The following TBXAS1 variants were observed in gnomAD, a reference collection of about 807,000 sequenced individuals.
TBXAS1 encodes thromboxane A synthase 1, also known as thromboxane-A synthase.
A neutral mutation model predicts 60.7 loss-of-function variants in TBXAS1; 48 were observed. That is an observed-to-expected ratio of 0.79 (90% CI 0.63 to 1.01). The LOEUF is 1.01. TBXAS1 is among the 50% of genes least tolerant of loss of function. TBXAS1 has a pLI of 0.00. For missense variants in TBXAS1, 685 were observed against 686.3 expected, an observed-to-expected ratio of 1.00 and a Z score of 0.02; for synonymous variants, 287 against 269.7, an observed-to-expected ratio of 1.06 and a Z score of -0.63.
At chr7:139,935,913 AGAAGCCATT>A (rs758370259) in intron 4 of TBXAS1, among the ~76,000 whole-genome samples, 6 of 152,256 alleles carry the variant, frequency 3.9e-5, no homozygotes, top group Non-Finnish European at 5.9e-5. Flanking sequence ...CAGAACACAC[AGAAGCCATT>A]GAGTTGTCTC....
chr7:139,872,270 T>C lies in TBXAS1; in HGVS notation c.125T>C (p.Leu42Ser). The C allele has an allele frequency of 2.5e-6, 4 of 1,614,098 alleles. No individual in the cohort carries two copies. The highest frequency in any genetic ancestry group is 2.2e-5 in the East Asian group (1 of 44,884). The change falls in exon 2 of 13, where the codon TTA becomes TCA. Residue 42 changes from leucine (L) to serine (S), a missense_variant. Transcript: ENST00000448866. ...TCAGCATTCTCAAGACTGGAGAAGT[T>C]AGGCCTCAGACATCCCAAGCCTTCT... ...STSAFSRLEK[L>S]GLRHPKPSPF... is the part of the protein sequence containing the mutation.
chr7:139,938,252 A>G (rs1220016393), intron 5 of TBXAS1, among the ~76,000 whole-genome samples: 8 of 152,122 alleles, frequency 5.3e-5, no homozygotes, highest in Non-Finnish European at 1.0e-4. Flanking sequence ...GCGGTTGGCC[A>G]GTGGGGCCCA....
At chr7:139,790,354 A>G (rs951560995) in intron 4 of TBXAS1, among the ~76,000 whole-genome samples, 15 of 152,242 alleles carry the variant, frequency 9.9e-5, no homozygotes, top group Non-Finnish European at 1.5e-4. Context: ...TTTGAAAACT[A>G]GAACAATCCA....
At chr7:139,826,370 G>C (rs1798438134), upstream of TBXAS1, among the ~76,000 whole-genome samples, 1 of 152,078 alleles carries the variant, frequency 6.6e-6, no homozygotes, top group Admixed American at 6.5e-5. Context: ...TGCAGTTGGG[G>C]GACACTAAGT....
chr7:139,953,217 ATCT>A (rs1162545055), intron 5 of TBXAS1, 148 bp from the exon 6 acceptor site: 12 of 694,868 alleles, frequency 1.7e-5, no homozygotes, highest in Admixed American at 7.0e-5. Flanking sequence ...GAATTTTAGG[ATCT>A]TCTTCTTGAA....
In TBXAS1 at chr7:139,916,498, T is replaced by C. The variant is rs1805984399; in HGVS notation, c.333+5177T>C. Among the ~76,000 whole-genome samples, 1 of 152,120 alleles carries C rather than the reference T, an allele frequency of 6.6e-6. No individual in the cohort carries two copies. ...CACACAAGAGTCACGTCCAAAGCCATGTGATGGACGTGGTGGGTGGTTTTA... is the reference window on the plus strand; with the variant it reads ...CACACAAGAGTCACGTCCAAAGCCACGTGATGGACGTGGTGGGTGGTTTTA... On this transcript the variant is annotated intron_variant, in intron 4 of 12. Coordinates refer to ENST00000448866, the MANE Select transcript of TBXAS1 (RefSeq NM_001061.7). This position sits in a 1 kb window ranked among gnomAD's most constrained non-coding sequence, Gnocchi z 4.2.
At chr7:139,790,162 A>G (rs1797338533) in intron 4 of TBXAS1, among the ~76,000 whole-genome samples, 1 of 152,236 alleles carries the variant, frequency 6.6e-6, no homozygotes, top group Non-Finnish European at 1.5e-5. Flanking sequence ...CGTGGGAATC[A>G]TTCTATCCCA....
rs117928764 is a variant in TBXAS1, at chr7:139,850,699, G to A, written c.89+21220G>A. On this transcript the variant is annotated intron_variant, in intron 1 of 12. Transcript: ENST00000448866. ...ACGGTGGTCCCTAATCCAGTGACTG[G>A]CATCCTTATAAGAAGAGTGAAATTT... Among the ~76,000 whole-genome samples the A allele has an allele frequency of 2.1e-3, 326 of 152,224 alleles. 10 individuals carry two copies. In the East Asian group the frequency reaches 0.05, roughly 23 times the overall value.
rs754081891 is a variant in TBXAS1, at chr7:139,955,531, C to T, written c.612C>T (p.Ala204=). The T allele has an allele frequency of 1.8e-5, 29 of 1,614,088 alleles. No individual in the cohort carries two copies. Among genetic ancestry groups the T allele is most frequent in the Non-Finnish European group, 2.3e-5 (27 of 1,180,038 alleles). The change falls in exon 7 of 13, where the codon GCC becomes GCT. Residue 204 remains alanine (A), a synonymous_variant. Transcript: ENST00000448866. ...GCACCCCGGTGGACTCCTGGCAGGC[C>T]CCTGAGGATCCCTTTGTGAAACACT... ...AFGTPVDSWQ[A]PEDPFVKHCK... is the part of the protein sequence containing the mutation.
At position 139,971,906 on chromosome 7, in the gene TBXAS1, C is replaced by A. The variant is rs1011479638; in HGVS notation, c.1134+9673C>A. On this transcript the variant is annotated intron_variant, in intron 9 of 12. Coordinates refer to ENST00000448866, the MANE Select transcript of TBXAS1 (RefSeq NM_001061.7). Reference sequence around the variant, plus strand: ...GACTCTATTCCCAGGTCCAGAGAGGCCCAGAATCTTCTCTGCTCCTGCTCC... The same window carrying A: ...GACTCTATTCCCAGGTCCAGAGAGGACCAGAATCTTCTCTGCTCCTGCTCC... Among the ~76,000 whole-genome samples, 8 of 152,296 alleles carry A rather than the reference C, an allele frequency of 5.3e-5. No homozygotes were observed. The East Asian group carries it at 1.5e-3, about 29-fold the overall frequency.
chr7:139,869,045 T>C (rs1444174760), intron 1 of TBXAS1, among the ~76,000 whole-genome samples: 1 of 152,086 alleles, frequency 6.6e-6, no homozygotes, highest in Non-Finnish European at 1.5e-5. Context: ...ATAATTGTCC[T>C]ACCTTGGCCT....
intron 3 of TBXAS1, among the ~76,000 whole-genome samples, chr7:139,878,254 A>G (rs1348813111): frequency 1.3e-5 from 2 of 150,304 alleles, no homozygotes; most frequent in African/African-American, 2.5e-5. Context: ...GAGAGAGAGG[A>G]GAGAGAGAGG....
upstream of TBXAS1, among the ~76,000 whole-genome samples, chr7:139,826,224 G>T (rs1798434770): frequency 6.6e-6 from 1 of 152,126 alleles, no homozygotes; most frequent in South Asian, 2.1e-4. Context: ...GCTCTGTTTT[G>T]TGAGAGAGAA....
In TBXAS1 at chr7:139,904,995, C is replaced by CGT. The variant is rs1554487065; in HGVS notation, c.237-6230_237-6229insGT. Reference sequence around the variant, plus strand: ...TACCTTTCTTTCTCTTTCTCTCTTTCTCTCTTTCTCTCTTTCTTTCTTTCT... The same window carrying CGT: ...TACCTTTCTTTCTCTTTCTCTCTTTCGTTCTCTTTCTCTCTTTCTTTCTTTCT... On this transcript the variant is annotated intron_variant, in intron 3 of 12. Transcript: ENST00000448866. 5.3e-3 allele frequency among the ~76,000 whole-genome samples: 674 copies of CGT among 128,004 alleles called. 17 individuals are homozygous for CGT. The highest frequency in any genetic ancestry group is 0.021 in the African/African-American group (627 of 29,888). The allele number at this position is 128,004 out of a possible 152,430, so 84.0% of individuals were successfully genotyped here.
chr7:139,959,653 G>T (rs766589045), intron 8 of TBXAS1, among the ~76,000 whole-genome samples: 7 of 152,174 alleles, frequency 4.6e-5, no homozygotes, highest in Non-Finnish European at 1.0e-4. Flanking sequence ...TGGGATAAGA[G>T]GAAAGGATGC....
At chr7:139,943,357 G>A (rs1808443202) in intron 5 of TBXAS1, among the ~76,000 whole-genome samples, 2 of 152,110 alleles carry the variant, frequency 1.3e-5, no homozygotes, top group African/African-American at 2.4e-5. Context: ...GTGTTCCACC[G>A]ACACCTGATC....
intron 5 of TBXAS1, chr7:139,952,558 T>G: frequency 6.5e-7 from 1 of 1,536,640 alleles, no homozygotes; most frequent in Non-Finnish European, 8.7e-7. Context: ...CAGCTTGGCC[T>G]TTTAATCATG....
At chr7:139,875,429 C>G (rs1469565829) in intron 2 of TBXAS1, among the ~76,000 whole-genome samples, 156 bp from the exon 3 acceptor site, 1 of 152,138 alleles carries the variant, frequency 6.6e-6, no homozygotes, top group African/African-American at 2.4e-5. Flanking sequence ...TTTGTTTATT[C>G]CAATGTTTCA....
chr7:140,015,800 T>C lies in TBXAS1; in HGVS notation c.1304T>C (p.Val435Ala). 1 of 1,613,820 alleles carries C rather than the reference T, an allele frequency of 6.2e-7. No individual in the cohort carries two copies. The highest frequency in any genetic ancestry group is 8.5e-7 in the Non-Finnish European group (1 of 1,180,038). The change falls in exon 11 of 13, where the codon GTG (valine) becomes GCG (alanine). Residue 435 changes from valine (V) to alanine (A), a missense_variant. Transcript: ENST00000448866. ...IPAGAVLEMAVGALHHDPEHW... is the reference protein window; with the variant it reads ...IPAGAVLEMAAGALHHDPEHW... ...GCAGGCGCTGTGCTAGAGATGGCCG[T>C]GGGTGCCCTGCACCATGACCCTGAG...
Sources: allele counts gnomAD v4.1 joint callset (sites outside exome capture counted in the v4.1 genomes callset), GRCh38; gene constraint gnomAD v4.1.1; non-coding constraint Gnocchi (gnomAD v3.1); transcripts MANE v1.5; gene names NCBI Gene and HGNC (gene_info 2026-07-23, HGNC 2026-07-21).